SLC45A2: variants seen among roughly 807,000 people sequenced by gnomAD.
SLC45A2 encodes membrane-associated transporter protein.
SLC45A2 carries 36 observed loss-of-function variants against 45.5 expected under a neutral mutation model. The ratio of observed to expected loss-of-function variants is 0.79; its 90% CI spans 0.61 to 1.04. SLC45A2 has a LOEUF of 1.04. Ranked by LOEUF, SLC45A2 falls within the 50% of genes least tolerant of loss-of-function variation. The pLI is 0.00. For synonymous variants in SLC45A2, 306 were observed against 269.3 expected (o/e 1.14, Z -1.33); for missense variants, 719 against 671.0 (o/e 1.07, Z -0.79).
intron 2 of SLC45A2, chr5:33,972,031 C>A (rs775709185): frequency 1.9e-5 from 9 of 467,480 alleles, no homozygotes; most frequent in African/African-American, 1.8e-4. Context: ...TGTGAGCCAC[C>A]ACACCTGGCC....
At chr5:33,982,502 C>A in intron 1 of SLC45A2, 90 bp from the exon 2 acceptor site, 1 of 1,299,454 alleles carries the variant, frequency 7.7e-7, no homozygotes, top group South Asian at 1.3e-5. Flanking sequence ...GCCATAAAAT[C>A]ATCTTCCTTG....
rs1434602490 is a variant in SLC45A2, at chr5:33,983,296, T to C, written c.386-884A>G. Among the ~76,000 whole-genome samples the C allele has an allele frequency of 2.6e-5, 4 of 152,252 alleles. No individual in the cohort carries two copies. In the East Asian group the frequency reaches 7.7e-4, roughly 29 times the overall value. On this transcript the variant is annotated intron_variant, in intron 1 of 6. Coordinates refer to ENST00000296589, the MANE Select transcript of SLC45A2 (RefSeq NM_016180.5). ...GTTGTTTCTCTTGTTTCCATTTGCT[T>C]TTTAAACTTAAGAATAGCATAGATT...
chr5:33,952,674 G>GTT (rs35919837), intron 4 of SLC45A2, among the ~76,000 whole-genome samples: 4 of 134,206 alleles, frequency 3.0e-5, no homozygotes, highest in African/African-American at 1.1e-4. Context: ...TTGAGCAAAA[G>GTT]TTTTTTTTTT....
chr5:33,961,843 G>C (rs535182149), intron 3 of SLC45A2, among the ~76,000 whole-genome samples: 2 of 152,140 alleles, frequency 1.3e-5, no homozygotes, highest in South Asian at 2.1e-4. Flanking sequence ...AACAAGACGG[G>C]GGGTATTAGT....
chr5:33,945,896 G>C, intron 6 of SLC45A2: 3 of 886,730 alleles, frequency 3.4e-6, no homozygotes, highest in Non-Finnish European at 2.7e-6. Context: ...ATTTAAAAAT[G>C]CCGGAAAGAT....
chr5:33,964,267 A>G (rs1752538788), intron 2 of SLC45A2, among the ~76,000 whole-genome samples: 1 of 152,192 alleles, frequency 6.6e-6, no homozygotes, highest in Admixed American at 6.5e-5. Context: ...ATAGTAAAAG[A>G]GTAACCTACT....
chr5:33,947,792 C>T (rs1387455369), intron 5 of SLC45A2, among the ~76,000 whole-genome samples: 1 of 152,166 alleles, frequency 6.6e-6, no homozygotes, highest in Non-Finnish European at 1.5e-5. Context: ...GGCCCTACAA[C>T]CCAAAGTCAG....
chr5:33,958,281 A>C (rs143466576), intron 3 of SLC45A2, among the ~76,000 whole-genome samples: 3 of 152,188 alleles, frequency 2.0e-5, no homozygotes, highest in Non-Finnish European at 4.4e-5. Context: ...TTAAAAAAGA[A>C]AAATTTGTTC....
In SLC45A2 at chr5:33,947,074, AG is replaced by A. The variant is rs3841543; in HGVS notation, c.1368+88del. On this transcript the variant is annotated intron_variant, in intron 6 of 6. Transcript: ENST00000296589. ...GCTGTTTCAAGAACCCTTATTTTCC[AG>A]CTCTGCTCTACACATTGCTACCAAA... 83 of 1,613,204 alleles carry A rather than the reference AG, an allele frequency of 5.1e-5. 1 individual carries two copies. The East Asian group carries it at 1.8e-3, about 35-fold the overall frequency.
intron 2 of SLC45A2, among the ~76,000 whole-genome samples, chr5:33,979,837 G>C (rs1753024338): frequency 6.6e-6 from 1 of 152,138 alleles, no homozygotes; most frequent in South Asian, 2.1e-4. Flanking sequence ...CGAGAGGAAG[G>C]GTCCTTCAGT....
At chr5:33,951,945 C>A (rs973614547) in intron 4 of SLC45A2, among the ~76,000 whole-genome samples, 4 of 152,150 alleles carry the variant, frequency 2.6e-5, no homozygotes, top group African/African-American at 9.7e-5. Context: ...GCTGGCCCCA[C>A]CTGACTTAGG....
At chr5:33,980,643 A>C (rs1288974019) in intron 2 of SLC45A2, among the ~76,000 whole-genome samples, 1 of 152,240 alleles carries the variant, frequency 6.6e-6, no homozygotes, top group Admixed American at 6.5e-5. Flanking sequence ...CAGAGAACAA[A>C]ACAACAGGTC....
chr5:33,958,709 GATCATTCAGAGTCTAC>G (rs1752350042), intron 3 of SLC45A2, among the ~76,000 whole-genome samples: 1 of 152,112 alleles, frequency 6.6e-6, no homozygotes, highest in East Asian at 1.9e-4. Flanking sequence ...CAAATAACAA[GATCATTCAGAGTCTAC>G]AACATTTTTC....
chr5:33,952,014 G>C (rs1271798008), intron 4 of SLC45A2, among the ~76,000 whole-genome samples: 1 of 151,992 alleles, frequency 6.6e-6, no homozygotes, highest in Non-Finnish European at 1.5e-5. Context: ...CTCCACATGG[G>C]CCATTCCTGT....
intron 2 of SLC45A2, among the ~76,000 whole-genome samples, chr5:33,970,344 C>T (rs1349370357): frequency 6.6e-6 from 1 of 152,210 alleles, no homozygotes; most frequent in Non-Finnish European, 1.5e-5. Context: ...CTCATTCATC[C>T]CCTACATGGA....
chr5:33,979,559 C>T (rs1753016123), intron 2 of SLC45A2, among the ~76,000 whole-genome samples: 2 of 152,192 alleles, frequency 1.3e-5, no homozygotes, highest in African/African-American at 4.8e-5. Flanking sequence ...TAAGAGACAG[C>T]TTTTCAGGGC....
chr5:33,949,087 A>G (rs1752021773), intron 5 of SLC45A2, among the ~76,000 whole-genome samples: 1 of 152,214 alleles, frequency 6.6e-6, no homozygotes, highest in Non-Finnish European at 1.5e-5. Flanking sequence ...ACAATAGGCC[A>G]TATCTTAGTA....
intron 4 of SLC45A2, among the ~76,000 whole-genome samples, chr5:33,952,158 G>A (rs1752124713): frequency 6.6e-6 from 1 of 151,992 alleles, no homozygotes; most frequent in African/African-American, 2.4e-5. Flanking sequence ...ACAGGGTCTT[G>A]GTCTGTCACT....
rs540293665 is a variant in SLC45A2 at position 33,983,586 on chromosome 5, T to A, written c.385+613A>T. Among the ~76,000 whole-genome samples, 20 of 152,378 alleles carry A rather than the reference T, an allele frequency of 1.3e-4. No homozygotes were observed. The South Asian group carries it at 4.1e-3, about 32-fold the overall frequency. ...TACAAATGTGTGCTATTTTTAGCGA[T>A]CCTTTTTGCAATGCAACTTTATTGT... On this transcript the variant is annotated intron_variant, in intron 1 of 6. Coordinates refer to ENST00000296589, the MANE Select transcript of SLC45A2 (RefSeq NM_016180.5).
Sources: allele counts gnomAD v4.1 joint callset (sites outside exome capture counted in the v4.1 genomes callset), GRCh38; gene constraint gnomAD v4.1.1; transcripts MANE v1.5; gene names NCBI Gene and HGNC (gene_info 2026-07-23, HGNC 2026-07-21).